Variants in FAM184A observed in about 807,000 individuals in gnomAD.
The protein encoded by FAM184A is protein FAM184A.
In FAM184A, 99 loss-of-function variants were observed where a neutral mutation model predicts 143.8. The observed-to-expected ratio is 0.69, with a 90% CI of 0.58 to 0.81. The LOEUF is 0.81. FAM184A is among the 40% of genes least tolerant of loss of function. The probability of loss-of-function intolerance (pLI) is 0.00; values close to 1 mark genes in which losing one functional copy is unlikely to be tolerated. For synonymous variants in FAM184A, 427 were observed against 446.4 expected (o/e 0.96, Z 0.55); for missense variants, 1,217 against 1,310.5 (o/e 0.93, Z 1.10).
chr6:119,147,270 T>C (rs1466649681), intron 1 of FAM184A, among the ~76,000 whole-genome samples: 2 of 151,448 alleles, frequency 1.3e-5, no homozygotes, highest in Admixed American at 1.3e-4. Context: ...TTAGCGTGGG[T>C]GCATCCTAGC....
At chr6:119,031,973 T>C (rs116736765) in intron 1 of FAM184A, among the ~76,000 whole-genome samples, 187 of 152,266 alleles carry the variant, frequency 1.2e-3, no homozygotes, top group African/African-American at 4.3e-3. Flanking sequence ...GATATAGATA[T>C]GTAAAGAAAT....
chr6:119,133,732 G>C (rs951065156), intron 1 of FAM184A, among the ~76,000 whole-genome samples: 2 of 151,950 alleles, frequency 1.3e-5, no homozygotes, highest in Non-Finnish European at 1.5e-5. Context: ...CTCAGAAGGG[G>C]GTCCTCCAAG....
At chr6:119,067,234 C>T (rs1432858826) in intron 1 of FAM184A, among the ~76,000 whole-genome samples, 1 of 152,148 alleles carries the variant, frequency 6.6e-6, no homozygotes, top group Non-Finnish European at 1.5e-5. Context: ...GTATTTCAGC[C>T]TCCATTATCC....
At chr6:119,010,591 G>A (rs778210131) in intron 6 of FAM184A, among the ~76,000 whole-genome samples, 6 of 151,894 alleles carry the variant, frequency 4.0e-5, no homozygotes, top group Admixed American at 6.6e-5. Context: ...ACTCTTCATT[G>A]GTCAATTTGT....
At chr6:119,049,844 T>C (rs1786680003) in intron 1 of FAM184A, among the ~76,000 whole-genome samples, 1 of 152,156 alleles carries the variant, frequency 6.6e-6, no homozygotes, top group Admixed American at 6.5e-5. Context: ...GGGATCTAAT[T>C]AAGCTAAAGA....
At chr6:119,061,325 C>T (rs1282725316) in intron 1 of FAM184A, among the ~76,000 whole-genome samples, 1 of 151,698 alleles carries the variant, frequency 6.6e-6, no homozygotes, top group Non-Finnish European at 1.5e-5. Context: ...AAAGCAATAT[C>T]CTGAGGAGAG....
At chr6:119,044,778 A>C (rs986629163) in intron 1 of FAM184A, among the ~76,000 whole-genome samples, 7 of 152,186 alleles carry the variant, frequency 4.6e-5, no homozygotes, top group Non-Finnish European at 7.3e-5. Context: ...GGAAAGCCTT[A>C]ATGGCCAATA....
chr6:118,991,142 G>T (rs1431876346), intron 9 of FAM184A, among the ~76,000 whole-genome samples: 2 of 151,566 alleles, frequency 1.3e-5, no homozygotes, highest in Non-Finnish European at 2.9e-5. Flanking sequence ...GGTAAGAAAA[G>T]ATATTTTATT....
chr6:118,980,295 AAAG>A lies in FAM184A; in HGVS notation c.2141_2143del (p.Ser714del), dbSNP rs747467426. 1.9e-6 allele frequency: 3 copies of A among 1,614,114 alleles called. No homozygotes were observed. Among genetic ancestry groups the A allele is most frequent in the Admixed American group, 3.3e-5 (2 of 60,014 alleles). On this transcript the variant is annotated inframe_deletion, in exon 10 of 18. Transcript: ENST00000338891. ...CGTAAACTGGGCTTGCAGTTGTTGCAAAGAAGTCTGAGACTGGGAAAGCTGTAT... is the reference window on the plus strand; with the variant it reads ...CGTAAACTGGGCTTGCAGTTGTTGCAAAGTCTGAGACTGGGAAAGCTGTAT...
chr6:119,025,654 A>G, intron 1 of FAM184A: 1 of 517,002 alleles, frequency 1.9e-6, no homozygotes, highest in South Asian at 1.4e-5. Context: ...TGTTCCTCGG[A>G]TGCCATCCAT....
At chr6:119,033,085 TAAAA>T (rs955703360) in intron 1 of FAM184A, among the ~76,000 whole-genome samples, 1 of 152,114 alleles carries the variant, frequency 6.6e-6, no homozygotes, top group African/African-American at 2.4e-5. Context: ...TCCAATTTAT[TAAAA>T]AAATTATTAA....
At chr6:119,144,737 C>A (rs1198077418) in intron 1 of FAM184A, among the ~76,000 whole-genome samples, 1 of 152,188 alleles carries the variant, frequency 6.6e-6, no homozygotes, top group Non-Finnish European at 1.5e-5. Flanking sequence ...TGCTTAGTAG[C>A]AGAGCTCTGG....
At chr6:118,968,627 GCACTTT>G (rs1265916778) in intron 14 of FAM184A, among the ~76,000 whole-genome samples, 2 of 152,216 alleles carry the variant, frequency 1.3e-5, no homozygotes, top group African/African-American at 4.8e-5. Context: ...GGTCACTGGA[GCACTTT>G]CTTTTATCAT....
At chr6:119,028,145 G>A (rs888858708) in intron 1 of FAM184A, among the ~76,000 whole-genome samples, 1 of 152,184 alleles carries the variant, frequency 6.6e-6, no homozygotes, top group Non-Finnish European at 1.5e-5. Flanking sequence ...CAAGCCATCA[G>A]GGAGGCCAGA....
intron 1 of FAM184A, among the ~76,000 whole-genome samples, chr6:119,065,665 A>G (rs2114776770): frequency 6.6e-6 from 1 of 151,664 alleles, no homozygotes; most frequent in East Asian, 1.9e-4. Context: ...CTCCTACAAC[A>G]AACTGTCACA....
intron 4 of FAM184A, 57 bp downstream of exon 4, chr6:119,019,921 T>C: frequency 7.1e-7 from 1 of 1,406,442 alleles, no homozygotes; most frequent in Non-Finnish European, 9.5e-7. Context: ...ACTTCAAATG[T>C]GAAAAAGAGA....
chr6:119,103,969 C>T (rs1291713298), intron 1 of FAM184A, among the ~76,000 whole-genome samples: 1 of 149,410 alleles, frequency 6.7e-6, no homozygotes, highest in Non-Finnish European at 1.5e-5. Context: ...TCATTCTTTA[C>T]TCTGGTAATA....
At chr6:119,080,969 G>A (rs921206942), upstream of FAM184A, among the ~76,000 whole-genome samples, 71 of 152,278 alleles carry the variant, frequency 4.7e-4, no homozygotes, top group African/African-American at 1.7e-3. Flanking sequence ...GAAGGTGAAG[G>A]GGAGGCAGGC....
Position 119,061,023 on chromosome 6 carries a change from A to T in FAM184A, c.159+17118T>A, listed in dbSNP as rs549571666. 8.5e-5 allele frequency among the ~76,000 whole-genome samples: 13 copies of T among 152,334 alleles called. No homozygotes were observed. In the East Asian group the frequency reaches 1.9e-3, roughly 23 times the overall value. ...CATGTGGCTGGAAGTTCTGGAGTTT[A>T]AGATTCAGAGGAAATGTGTATGAGT... On this transcript the variant is annotated intron_variant, in intron 1 of 17. Transcript: ENST00000338891.
Sources: allele counts gnomAD v4.1 joint callset (sites outside exome capture counted in the v4.1 genomes callset), GRCh38; gene constraint gnomAD v4.1.1; transcripts MANE v1.5; gene names NCBI Gene and HGNC (gene_info 2026-07-23, HGNC 2026-07-21).